Variants in CRYM observed in about 807,000 individuals in gnomAD.
The protein encoded by CRYM is crystallin mu, also known as ketimine reductase mu-crystallin.
In CRYM, 18 loss-of-function variants were observed where a neutral mutation model predicts 32.9. The ratio of observed to expected loss-of-function variants is 0.55; its 90% confidence interval spans 0.38 to 0.81. CRYM has a LOEUF of 0.81. Among genes scored for constraint, CRYM ranks in the 30% least tolerant of loss-of-function variants. CRYM has a pLI of 0.00. For synonymous variants in CRYM, 153 were observed against 152.4 expected, an observed-to-expected ratio of 1.00 and a Z score of -0.03; for missense variants, 337 against 393.5, an observed-to-expected ratio of 0.86 and a Z score of 1.21.
At chr16:21,272,767 A>C (rs1172743829) in intron 3 of CRYM, among the ~76,000 whole-genome samples, 1 of 145,286 alleles carries the variant, frequency 6.9e-6, no homozygotes, top group African/African-American at 2.6e-5. Context: ...CCCTTGCCTC[A>C]GCCTCCCAAG....
chr16:21,268,382 G>A (rs929764667), intron 4 of CRYM, among the ~76,000 whole-genome samples: 2 of 152,176 alleles, frequency 1.3e-5, no homozygotes, highest in Admixed American at 1.3e-4. Flanking sequence ...AGCTACGGCT[G>A]GAATCCTGAA....
chr16:21,278,473 TC>T (rs2093392300), upstream of CRYM: 2 of 603,368 alleles, frequency 3.3e-6, no homozygotes, highest in Non-Finnish European at 5.9e-6. Flanking sequence ...AGCAACGGAT[TC>T]CCCAAGATGG....
chr16:21,299,418 C>T (rs184625447), intron 1 of CRYM, among the ~76,000 whole-genome samples: 471 of 152,158 alleles, frequency 3.1e-3, no homozygotes, highest in Non-Finnish European at 4.7e-3. Flanking sequence ...AAGCGATTCT[C>T]CTGTCTCAGC....
chr16:21,290,126 T>C (rs183743187), intron 1 of CRYM, among the ~76,000 whole-genome samples: 53 of 152,148 alleles, frequency 3.5e-4, no homozygotes, highest in African/African-American at 1.3e-3. Flanking sequence ...GAATAAAAGC[T>C]GGCCACCAGA....
rs752409163 is a variant in CRYM, at chr16:21,269,844, C to T, written c.435G>A (p.Gly145=). Residue 145 remains glycine, a synonymous_variant, in exon 4 of 8, where the codon GGG becomes GGA. Coordinates refer to ENST00000572914, the MANE Select transcript of CRYM (RefSeq NM_001376256.1). ...TCTCATAATGGCTGTAGGCCTGGAC[C>T]CCAGCCCCAAGGATGCACAGCACTT... is the stretch of plus-strand genomic sequence containing the variant. ...SSEVLCILGA[G]VQAYSHYEIF... 3 of 1,612,276 alleles carry T rather than the reference C, an allele frequency of 1.9e-6. No individual in the cohort carries two copies. The highest frequency in any genetic ancestry group is 2.5e-6 in the Non-Finnish European group (3 of 1,179,526).
In CRYM at chr16:21,277,982, G is replaced by C. The variant is rs1341079933; in HGVS notation, c.170+100C>G. The C allele has an allele frequency of 1.5e-6, 2 of 1,367,778 alleles. No individual in the cohort carries two copies. The highest frequency in any genetic ancestry group is 4.3e-5 in the Admixed American group (2 of 46,406). The allele number at this position is 1,367,778 out of a possible 1,614,324, so 84.7% of individuals were successfully genotyped here. A position where few individuals can be genotyped will look rare whatever the true frequency, so the allele number is the denominator to read the frequency against. On this transcript the variant is annotated intron_variant, in intron 1 of 7. Transcript: ENST00000572914. The surrounding 1 kb of genome is among the most constrained non-coding windows in gnomAD (Gnocchi z 4.2). ...AAGTGGCAGCTGTTAGCAACGGTTA[G>C]GCAAGCCGTCTCTTCCCTTCTCCCA...
At chr16:21,275,397 T>C (rs2152863021) in intron 3 of CRYM, 135 bp downstream of exon 3, 2 of 727,130 alleles carry the variant, frequency 2.8e-6, no homozygotes, top group Middle Eastern at 2.3e-4. Flanking sequence ...CTGATATATC[T>C]GACATCTGGA....
At chr16:21,266,600 TAAAGGTTTATA>T (rs1390243648) in intron 5 of CRYM, among the ~76,000 whole-genome samples, 1 of 152,166 alleles carries the variant, frequency 6.6e-6, no homozygotes, top group Non-Finnish European at 1.5e-5. Flanking sequence ...AAAAGAAATT[TAAAGGTTTATA>T]ATTCTTAGTG....
At position 21,278,256 on chromosome 16, in the gene CRYM, C is replaced by G. The variant is rs1280959735; in HGVS notation, c.-5G>C. 6.3e-7 allele frequency: 1 copy of G among 1,584,434 alleles called. No homozygotes were observed. The highest frequency in any genetic ancestry group is 1.7e-5 in the Admixed American group (1 of 57,384). On this transcript the variant is annotated 5_prime_UTR_variant, in exon 1 of 8. Transcript: ENST00000572914. ...GAACGCTGGTACCCGGCTCATCTCG[C>G]CACCTGTGCCTTCTAACCTCAGTCT...
intron 4 of CRYM, 82 bp from the exon 5 acceptor site, chr16:21,267,819 A>C (rs2093367401): frequency 7.3e-7 from 1 of 1,374,906 alleles, no homozygotes; most frequent in African/African-American, 1.4e-5. Context: ...GCGGAGGGAA[A>C]GTTGAACTAC....
intron 4 of CRYM, among the ~76,000 whole-genome samples, chr16:21,269,195 A>G (rs1407055022): frequency 6.6e-6 from 1 of 151,226 alleles, no homozygotes; most frequent in African/African-American, 2.4e-5. Context: ...TTACTTTTGC[A>G]CTCACCTAAT....
intron 5 of CRYM, among the ~76,000 whole-genome samples, chr16:21,266,902 G>A (rs2093364816): frequency 6.6e-6 from 1 of 151,858 alleles, no homozygotes. Context: ...AGCTACTCGG[G>A]AGGCTGAAGT....
chr16:21,275,636 C>T (rs1394937284), intron 2 of CRYM, 42 bp from the exon 3 acceptor site: 1 of 1,469,752 alleles, frequency 6.8e-7, no homozygotes, highest in South Asian at 1.1e-5. Flanking sequence ...GAACCCCTGT[C>T]CACTGCATAA....
intron 4 of CRYM, among the ~76,000 whole-genome samples, chr16:21,268,378 G>A (rs2093368354): frequency 6.6e-6 from 1 of 152,174 alleles, no homozygotes; most frequent in Non-Finnish European, 1.5e-5. Flanking sequence ...TGGTAGCTAC[G>A]GCTGGAATCC....
intron 2 of CRYM, among the ~76,000 whole-genome samples, chr16:21,276,941 GATGCATT>G (rs2093387741): frequency 7.2e-6 from 1 of 139,276 alleles, no homozygotes. Context: ...AAAAGTGCCT[GATGCATT>G]ATAAAAAGTA....
chr16:21,300,520 A>C (rs77984973), intron 1 of CRYM: 1,971 of 152,034 alleles, frequency 0.013, 18 homozygotes, highest in Middle Eastern at 0.027. Context: ...CTTAAAAAAA[A>C]AAAAAAAACA....
intron 7 of CRYM, 184 bp downstream of exon 7, chr16:21,261,070 C>G (rs2152861163): frequency 1.5e-6 from 1 of 655,306 alleles, no homozygotes; most frequent in East Asian, 2.7e-5. Flanking sequence ...GGACTCTGAC[C>G]CAGGACTGCT....
chr16:21,286,611 A>G (rs2093407778), intron 1 of CRYM, among the ~76,000 whole-genome samples: 1 of 152,194 alleles, frequency 6.6e-6, no homozygotes. Flanking sequence ...AACATATACC[A>G]AGACATATCA....
intron 1 of CRYM, among the ~76,000 whole-genome samples, chr16:21,298,138 G>T (rs1187942233): frequency 6.6e-6 from 1 of 152,150 alleles, no homozygotes; most frequent in African/African-American, 2.4e-5. Context: ...GAACTGATAG[G>T]TTAAATAAAA....
Sources: gnomAD v4.1 joint callset for allele counts (sites outside exome capture counted in the v4.1 genomes callset) on GRCh38, gnomAD v4.1.1 for gene constraint, Gnocchi (gnomAD v3.1) non-coding constraint, MANE v1.5 for transcripts, NCBI Gene and HGNC (gene_info 2026-07-23, HGNC 2026-07-21) for gene names.